Variants in GPHN observed in about 807,000 individuals in gnomAD.
The protein encoded by GPHN is gephyrin.
A neutral mutation model predicts 95.5 loss-of-function variants in GPHN; 17 were observed. The observed-to-expected ratio is 0.18, with a 90% CI of 0.12 to 0.27. The LOEUF is 0.27. Among genes scored for constraint, GPHN ranks in the 10% least tolerant of loss-of-function variants. The pLI is 1.00. For missense variants in GPHN, 660 were observed against 978.1 expected (o/e 0.67, Z 4.34); for synonymous variants, 320 against 322.5 (o/e 0.99, Z 0.08).
chr14:67,332,809 G>T, the GPHN span: 1 of 1,613,304 alleles, frequency 6.2e-7, no homozygotes, highest in East Asian at 2.2e-5. Context: ...TCATTGAGAA[G>T]ACAAGAGAGA....
chr14:66,561,555 G>C (rs962894819), intron 1 of GPHN, among the ~76,000 whole-genome samples: 3 of 152,090 alleles, frequency 2.0e-5, no homozygotes, highest in Non-Finnish European at 2.9e-5. Context: ...TTGGTGCCCA[G>C]ATGTTGAAGA....
At chr14:66,689,076 G>A (rs2067598560) in intron 2 of GPHN, among the ~76,000 whole-genome samples, 1 of 152,090 alleles carries the variant, frequency 6.6e-6, no homozygotes, top group African/African-American at 2.4e-5. Flanking sequence ...TTTAAAAAAA[G>A]AAAAAGAAAG....
At chr14:67,417,684 G>A in the GPHN span, among the ~76,000 whole-genome samples, 1 of 152,062 alleles carries the variant, frequency 6.6e-6, no homozygotes, top group African/African-American at 2.4e-5. Context: ...TCCTGCCTTG[G>A]CCTCCCAAAG....
the GPHN span, among the ~76,000 whole-genome samples, chr14:67,252,134 A>G: frequency 6.6e-6 from 1 of 152,162 alleles, no homozygotes; most frequent in African/African-American, 2.4e-5. Context: ...CAGTAATAGT[A>G]AGTAAAGTGC....
the GPHN span, among the ~76,000 whole-genome samples, chr14:67,515,840 C>T: frequency 1.3e-5 from 2 of 150,072 alleles, no homozygotes; most frequent in East Asian, 3.9e-4. Flanking sequence ...TGTGGACCTG[C>T]GGTCAGTTCA....
the GPHN span, chr14:67,727,185 T>A: frequency 2.5e-6 from 4 of 1,612,054 alleles, no homozygotes; most frequent in Non-Finnish European, 2.5e-6. Context: ...GCCAAGAGGC[T>A]CCAAGGTAAG....
intron 8 of GPHN, among the ~76,000 whole-genome samples, chr14:66,949,077 TTTGTTC>T (rs1359542050): frequency 2.6e-5 from 4 of 152,194 alleles, no homozygotes; most frequent in Non-Finnish European, 5.9e-5. Context: ...ATCAATCTTT[TTTGTTC>T]TTGTTTTTGT....
the GPHN span, among the ~76,000 whole-genome samples, chr14:67,658,901 G>T: frequency 1.3e-5 from 2 of 152,268 alleles, no homozygotes; most frequent in African/African-American, 4.8e-5. Flanking sequence ...AGGATGCATC[G>T]TGAAACAGGA....
the GPHN span, chr14:67,616,251 A>G: frequency 2.0e-4 from 38 of 192,628 alleles, no homozygotes; most frequent in Admixed American, 2.4e-4. Context: ...ACACTACCAA[A>G]TGTGTCATTG....
the GPHN span, among the ~76,000 whole-genome samples, chr14:67,243,455 T>TG: frequency 6.6e-6 from 1 of 150,786 alleles, no homozygotes; most frequent in African/African-American, 2.4e-5. Flanking sequence ...CCTGAAATGC[T>TG]GGGATTACAG....
the GPHN span, among the ~76,000 whole-genome samples, chr14:67,537,573 G>T: frequency 6.6e-6 from 1 of 152,030 alleles, no homozygotes; most frequent in South Asian, 2.1e-4. Context: ...GCTGAGGTGG[G>T]AGGGTCACCT....
the GPHN span, among the ~76,000 whole-genome samples, chr14:67,326,156 G>A: frequency 7.7e-6 from 1 of 130,508 alleles, no homozygotes; most frequent in Non-Finnish European, 1.6e-5. Context: ...CTCTGGCCGT[G>A]TTCTAATGGA....
intron 2 of GPHN, 23 bp from the exon 3 acceptor site, chr14:66,776,441 A>G: frequency 7.2e-7 from 1 of 1,396,886 alleles, no homozygotes; most frequent in South Asian, 1.2e-5. Flanking sequence ...GGTTTTGAGA[A>G]TATTTTCTTC....
At chr14:67,598,946 G>A in the GPHN span, among the ~76,000 whole-genome samples, 1 of 58,020 alleles carries the variant, frequency 1.7e-5, no homozygotes, top group Non-Finnish European at 4.4e-5. Flanking sequence ...CAGACCTCAA[G>A]TGATCCGCCC....
At chr14:67,302,917 TTC>T in the GPHN span, among the ~76,000 whole-genome samples, 2 of 152,234 alleles carry the variant, frequency 1.3e-5, no homozygotes, top group African/African-American at 4.8e-5. Context: ...ATTTTTTGTG[TTC>T]TTTTATTTTA....
the GPHN span, among the ~76,000 whole-genome samples, chr14:67,361,330 G>T: frequency 6.6e-6 from 1 of 152,220 alleles, no homozygotes; most frequent in Non-Finnish European, 1.5e-5. Context: ...GGGGTGACTT[G>T]TACAGAACTT....
At chr14:67,315,268 ATTTTTTTTTTTT>A in the GPHN span, among the ~76,000 whole-genome samples, 45 of 101,586 alleles carry the variant, frequency 4.4e-4, no homozygotes, top group African/African-American at 2.0e-3. Context: ...CTTATTTTTA[ATTTTTTTTTTTT>A]TTTTTTTTTT....
At chr14:67,169,432 G>A (rs1446464631) in intron 21 of GPHN, among the ~76,000 whole-genome samples, 1 of 152,168 alleles carries the variant, frequency 6.6e-6, no homozygotes, top group East Asian at 1.9e-4. Flanking sequence ...CTTTTTCTGT[G>A]ACTTCAACGA....
At chr14:67,395,606 A>C in the GPHN span, 1 of 1,611,102 alleles carries the variant, frequency 6.2e-7, no homozygotes, top group South Asian at 1.1e-5. Flanking sequence ...AGAGCCAGTC[A>C]GGCCAGCACT....
Sources: allele counts gnomAD v4.1 joint callset (sites outside exome capture counted in the v4.1 genomes callset), GRCh38; gene constraint gnomAD v4.1.1; transcripts MANE v1.5; gene names NCBI Gene and HGNC (gene_info 2026-07-23, HGNC 2026-07-21).